RPS6KC1: variants seen among roughly 807,000 people sequenced by gnomAD.
RPS6KC1 encodes ribosomal protein S6 kinase C1.
A neutral mutation model predicts 103.8 loss-of-function variants in RPS6KC1; 54 were observed. The observed-to-expected ratio is 0.52, with a 90% CI of 0.42 to 0.65. The LOEUF is 0.65. Among genes scored for constraint, RPS6KC1 ranks in the 30% least tolerant of loss-of-function variants. The pLI is 0.00. For missense variants in RPS6KC1, 1,151 were observed against 1,253.8 expected (o/e 0.92, Z 1.24); for synonymous variants, 439 against 438.7 (o/e 1.00, Z -0.01).
At chr1:213,276,110 C>G (rs529628887), downstream of RPS6KC1, among the ~76,000 whole-genome samples, 2 of 152,266 alleles carry the variant, frequency 1.3e-5, no homozygotes, top group South Asian at 4.1e-4. Context: ...AGATAGTACT[C>G]ATGCTATAAC....
chr1:213,623,784 G>A, the RPS6KC1 span, among the ~76,000 whole-genome samples: 2 of 152,170 alleles, frequency 1.3e-5, no homozygotes, highest in Non-Finnish European at 2.9e-5. Flanking sequence ...CAAGGGCAAG[G>A]CAGAGGTACA....
the RPS6KC1 span, among the ~76,000 whole-genome samples, chr1:213,755,455 T>C: frequency 6.6e-6 from 1 of 152,158 alleles, no homozygotes; most frequent in African/African-American, 2.4e-5. Context: ...CCAGACACTT[T>C]AGTATTGCAA....
chr1:213,262,758 A>G lies in RPS6KC1; in HGVS notation c.3032A>G (p.His1011Arg), dbSNP rs143714274. The G allele has an allele frequency of 3.1e-5, 50 of 1,612,964 alleles. No individual in the cohort carries two copies. The highest frequency in any genetic ancestry group is 4.2e-5 in the Non-Finnish European group (50 of 1,179,054). Reference sequence around the variant, plus strand: ...TGCCATCCAGCAGGAATAAATACTCACACTACTTTGAACATGCCAGAATGT... The same window carrying G: ...TGCCATCCAGCAGGAATAAATACTCGCACTACTTTGAACATGCCAGAATGT... ...VECHPAGINT[H>R]TTLNMPECVS... Residue 1011 changes from histidine (H) to arginine (R), a missense_variant, in exon 14 of 15, where the codon CAC becomes CGC. By Grantham distance (29) the His-to-Arg change is conservative. Transcript: ENST00000366960.
chr1:213,210,945 G>A (rs1043746240), intron 8 of RPS6KC1, among the ~76,000 whole-genome samples: 51 of 152,148 alleles, frequency 3.4e-4, no homozygotes, highest in African/African-American at 1.2e-3. Context: ...TTCTATAAAC[G>A]AGAACTATGT....
the RPS6KC1 span, among the ~76,000 whole-genome samples, chr1:213,556,284 A>G: frequency 6.6e-6 from 1 of 152,216 alleles, no homozygotes; most frequent in African/African-American, 2.4e-5. Context: ...GTGGAGAAAC[A>G]TGTAAAGAAT....
At chr1:213,374,054 C>T in the RPS6KC1 span, among the ~76,000 whole-genome samples, 1 of 152,154 alleles carries the variant, frequency 6.6e-6, no homozygotes, top group East Asian at 1.9e-4. Flanking sequence ...GAATAACATC[C>T]TGGAGCAAAC....
At chr1:213,793,423 A>T in the RPS6KC1 span, among the ~76,000 whole-genome samples, 3 of 152,246 alleles carry the variant, frequency 2.0e-5, no homozygotes, top group Non-Finnish European at 4.4e-5. Context: ...AATAATAATT[A>T]ACAGGCTCTC....
chr1:213,376,913 A>C, the RPS6KC1 span, among the ~76,000 whole-genome samples: 6 of 152,176 alleles, frequency 3.9e-5, no homozygotes, highest in Non-Finnish European at 5.9e-5. Flanking sequence ...GGAGAAGAAG[A>C]ATGAGGTGGA....
At chr1:213,248,090 AT>A (rs1159831607) in intron 12 of RPS6KC1, among the ~76,000 whole-genome samples, 1 of 152,156 alleles carries the variant, frequency 6.6e-6, no homozygotes, top group Non-Finnish European at 1.5e-5. Flanking sequence ...GACCTGGGTA[AT>A]TTCAGCAAAC....
the RPS6KC1 span, among the ~76,000 whole-genome samples, chr1:213,522,792 C>T: frequency 6.6e-6 from 1 of 152,212 alleles, no homozygotes; most frequent in African/African-American, 2.4e-5. Context: ...ATTTCTGGAT[C>T]AAGACTTGGC....
the RPS6KC1 span, chr1:213,546,506 G>C: frequency 2.0e-5 from 3 of 152,112 alleles, no homozygotes; most frequent in Non-Finnish European, 4.4e-5. Flanking sequence ...AGATAGATGT[G>C]GCTGTACCCA....
the RPS6KC1 span, among the ~76,000 whole-genome samples, chr1:213,816,594 T>G: frequency 6.6e-6 from 1 of 152,160 alleles, no homozygotes; most frequent in Non-Finnish European, 1.5e-5. Flanking sequence ...TGGGTAGATC[T>G]GTGAACCCAG....
the RPS6KC1 span, among the ~76,000 whole-genome samples, chr1:213,742,472 G>C: frequency 6.6e-6 from 1 of 152,234 alleles, no homozygotes; most frequent in African/African-American, 2.4e-5. Flanking sequence ...TGGAGAGGAG[G>C]ACGGGGGAAC....
chr1:213,243,418 G>A (rs551699050), intron 12 of RPS6KC1, among the ~76,000 whole-genome samples: 2 of 152,178 alleles, frequency 1.3e-5, no homozygotes, highest in East Asian at 3.9e-4. Context: ...ATGGTGCCTG[G>A]CACAATGGAG....
intron 8 of RPS6KC1, among the ~76,000 whole-genome samples, chr1:213,213,317 T>G (rs1463561498): frequency 6.6e-6 from 1 of 152,260 alleles, no homozygotes; most frequent in African/African-American, 2.4e-5. Flanking sequence ...AAAGGGCTCT[T>G]TGCTCCATTG....
the RPS6KC1 span, among the ~76,000 whole-genome samples, chr1:213,860,805 T>C: frequency 1.4e-5 from 2 of 147,254 alleles, no homozygotes; most frequent in East Asian, 3.9e-4. Flanking sequence ...GGATTTCTCT[T>C]TTTCTTTTCT....
chr1:213,723,377 G>T, the RPS6KC1 span, among the ~76,000 whole-genome samples: 3 of 152,284 alleles, frequency 2.0e-5, 1 homozygote, highest in South Asian at 6.2e-4. Flanking sequence ...CGGTTCTGGA[G>T]GCTGGGAGTC....
the RPS6KC1 span, among the ~76,000 whole-genome samples, chr1:213,788,198 C>A: frequency 6.6e-6 from 1 of 152,130 alleles, no homozygotes; most frequent in Non-Finnish European, 1.5e-5. Context: ...ATGATCTTTA[C>A]CACTAAACAG....
chr1:213,664,000 G>A, the RPS6KC1 span, among the ~76,000 whole-genome samples: 2 of 152,188 alleles, frequency 1.3e-5, no homozygotes, highest in Non-Finnish European at 2.9e-5. Flanking sequence ...CCTACCAAAT[G>A]AGCTGTGATG....
Sources: gnomAD v4.1 joint callset for allele counts (sites outside exome capture counted in the v4.1 genomes callset) on GRCh38, gnomAD v4.1.1 for gene constraint, MANE v1.5 for transcripts, NCBI Gene and HGNC (gene_info 2026-07-23, HGNC 2026-07-21) for gene names.